Variants in CADM2 observed in about 807,000 individuals in gnomAD.
The protein encoded by CADM2 is immunoglobulin superfamily member 4D.
CADM2 carries 12 observed loss-of-function variants against 49.8 expected under a neutral mutation model. The observed-to-expected ratio is 0.24, with a 90% CI of 0.15 to 0.39. The LOEUF (loss-of-function observed/expected upper bound fraction) is 0.39. CADM2 is among the 10% of genes least tolerant of loss of function. The probability of loss-of-function intolerance (pLI) is 1.00; values close to 1 mark genes in which losing one functional copy is unlikely to be tolerated. For missense variants in CADM2, 378 were observed against 492.3 expected (o/e 0.77, Z 2.20); for synonymous variants, 214 against 175.4 (o/e 1.22, Z -1.74).
intron 1 of CADM2, among the ~76,000 whole-genome samples, chr3:85,540,473 G>A (rs1177474130): frequency 2.6e-5 from 4 of 152,140 alleles, no homozygotes; most frequent in African/African-American, 9.7e-5. Context: ...TATAAAATAA[G>A]TTAGATATAA....
intron 3 of CADM2, among the ~76,000 whole-genome samples, chr3:85,834,715 T>A (rs533708875): frequency 6.6e-6 from 1 of 151,140 alleles, no homozygotes; most frequent in African/African-American, 2.4e-5. Flanking sequence ...TTTGCTGGGT[T>A]AAGTTTTCCT....
intron 1 of CADM2, among the ~76,000 whole-genome samples, chr3:85,699,479 A>T (rs1051649254): frequency 6.6e-6 from 1 of 152,228 alleles, no homozygotes; most frequent in Non-Finnish European, 1.5e-5. Context: ...TAAGACATCT[A>T]GGTGGAGGAT....
At chr3:85,562,206 A>G (rs1194773808) in intron 1 of CADM2, among the ~76,000 whole-genome samples, 1 of 152,086 alleles carries the variant, frequency 6.6e-6, no homozygotes, top group African/African-American at 2.4e-5. Context: ...AATTAAGATA[A>G]GAGTACTTCA....
chr3:85,402,878 G>A (rs534303487), intron 1 of CADM2, among the ~76,000 whole-genome samples: 61 of 152,222 alleles, frequency 4.0e-4, no homozygotes, highest in Non-Finnish European at 6.2e-4. Flanking sequence ...GGAAAGACTA[G>A]TAAATCATTT....
intron 2 of CADM2, among the ~76,000 whole-genome samples, chr3:85,746,540 TTTTC>T (rs2068629882): frequency 6.6e-6 from 1 of 152,126 alleles, no homozygotes; most frequent in African/African-American, 2.4e-5. Flanking sequence ...GCCCTCCTCC[TTTTC>T]TTTTTCTCTT....
rs116721651 is a variant in CADM2 at position 85,921,937 on chromosome 3, A to T, written c.700+9394A>T. ...TATAATGGGAATTTTGCAGGATGTA[A>T]TCTCTTCGGACTGGCATCTTTCACT... On this transcript the variant is annotated intron_variant, in intron 6 of 9. Coordinates refer to ENST00000383699, the MANE Select transcript of CADM2 (RefSeq NM_001167675.2). 1.7e-3 allele frequency among the ~76,000 whole-genome samples: 261 copies of T among 152,160 alleles called. 1 individual carries two copies. The highest frequency in any genetic ancestry group is 5.9e-3 in the African/African-American group (245 of 41,532).
chr3:85,846,860 T>C (rs992231588), intron 3 of CADM2, among the ~76,000 whole-genome samples: 1 of 152,126 alleles, frequency 6.6e-6, no homozygotes, highest in Non-Finnish European at 1.5e-5. Context: ...AGATACCATG[T>C]CTAAATAAAT....
intron 7 of CADM2, among the ~76,000 whole-genome samples, chr3:85,939,832 C>T (rs1253477003): frequency 6.8e-6 from 1 of 147,598 alleles, no homozygotes; most frequent in East Asian, 2.0e-4. Context: ...CAGCACATAA[C>T]ATTCCAATTC....
At chr3:85,900,632 TATTTA>T (rs1412087945) in intron 5 of CADM2, among the ~76,000 whole-genome samples, 5 of 152,184 alleles carry the variant, frequency 3.3e-5, no homozygotes, top group Admixed American at 1.3e-4. Flanking sequence ...TTAATCAACG[TATTTA>T]ATTTAAGGGT....
At chr3:85,455,055 C>T (rs1189541242) in intron 1 of CADM2, among the ~76,000 whole-genome samples, 1 of 152,132 alleles carries the variant, frequency 6.6e-6, no homozygotes, top group Non-Finnish European at 1.5e-5. Flanking sequence ...GTGGTCAGCC[C>T]ATATCCTACA....
At position 85,893,460 on chromosome 3, in the gene CADM2, G is replaced by C. The variant is rs531018705; in HGVS notation, c.529+7133G>C. On this transcript the variant is annotated intron_variant, in intron 5 of 9. Transcript: ENST00000383699. ...GGCAAGGGCTTCATGTCTAAAACAC[G>C]AAAAGCAATGGCAACAAAAGCCAAA... Among the ~76,000 whole-genome samples the C allele has an allele frequency of 1.9e-3, 293 of 152,098 alleles. 2 individuals carry two copies. The highest frequency in any genetic ancestry group is 3.2e-3 in the Non-Finnish European group (215 of 67,968).
chr3:85,796,249 T>C (rs1384651920), intron 2 of CADM2, among the ~76,000 whole-genome samples: 1 of 152,178 alleles, frequency 6.6e-6, no homozygotes, highest in Non-Finnish European at 1.5e-5. Context: ...CCAAGAAAAG[T>C]GTTTTGAAAC....
At chr3:85,669,970 CAGTT>C (rs10563317) in intron 1 of CADM2, among the ~76,000 whole-genome samples, 58,097 of 151,612 alleles carry the variant, frequency 0.38, 12,189 homozygotes, top group East Asian at 0.54. Flanking sequence ...GTTCTTTTCT[CAGTT>C]AGGCTACTAA....
intron 1 of CADM2, 102 bp downstream of exon 1, chr3:84,959,770 CCAG>C: frequency 1.8e-6 from 2 of 1,083,288 alleles, no homozygotes; most frequent in Non-Finnish European, 2.7e-6. Flanking sequence ...CTCCCTGTCC[CCAG>C]CGATTTCCAC....
chr3:85,911,760 A>G lies in CADM2; in HGVS notation c.530-613A>G, dbSNP rs117022409. Among the ~76,000 whole-genome samples the G allele has an allele frequency of 7.4e-4, 113 of 152,252 alleles. 3 individuals carry two copies. The East Asian group carries it at 0.02, about 28-fold the overall frequency. ...TAGTAAAACTTATAGCTAAGAGAAAAGACAGACTACTTTTGTAAGATGATA... is the reference window on the plus strand; with the variant it reads ...TAGTAAAACTTATAGCTAAGAGAAAGGACAGACTACTTTTGTAAGATGATA... On this transcript the variant is annotated intron_variant, in intron 5 of 9. Transcript: ENST00000383699.
intron 8 of CADM2, among the ~76,000 whole-genome samples, chr3:85,999,985 A>T (rs1230739093): frequency 6.6e-6 from 1 of 152,184 alleles, no homozygotes; most frequent in South Asian, 2.1e-4. Context: ...AGAGATGTTG[A>T]ATATATTGTT....
intron 1 of CADM2, among the ~76,000 whole-genome samples, chr3:85,608,200 T>C (rs916132714): frequency 4.6e-5 from 7 of 152,138 alleles, no homozygotes; most frequent in African/African-American, 1.7e-4. Context: ...GAAACCTTAT[T>C]TTAAAAATAA....
intron 1 of CADM2, among the ~76,000 whole-genome samples, chr3:85,640,281 T>A (rs899704214): frequency 6.6e-6 from 1 of 152,188 alleles, no homozygotes; most frequent in Non-Finnish European, 1.5e-5. Flanking sequence ...GCTACACCAA[T>A]CACAGATTTT....
intron 1 of CADM2, among the ~76,000 whole-genome samples, chr3:85,239,531 T>C (rs1361898522): frequency 6.6e-6 from 1 of 151,664 alleles, no homozygotes; most frequent in African/African-American, 2.4e-5. Context: ...TTTTAACGAA[T>C]TTAATACTAA....
Sources: gnomAD v4.1 joint callset for allele counts (sites outside exome capture counted in the v4.1 genomes callset) on GRCh38, gnomAD v4.1.1 for gene constraint, MANE v1.5 for transcripts, NCBI Gene and HGNC (gene_info 2026-07-23, HGNC 2026-07-21) for gene names.